The following FHIT variants were observed in gnomAD, a reference collection of about 807,000 sequenced individuals.
FHIT encodes the protein fragile histidine triad diadenosine triphosphatase, also known as bis(5'-adenosyl)-triphosphatase.
Under a neutral mutation model 17.9 loss-of-function variants are expected in FHIT, and 19 were observed. The ratio of observed to expected loss-of-function variants is 1.06; its 90% CI spans 0.74 to 1.56. FHIT has a LOEUF of 1.56. Ranked by LOEUF, FHIT falls within the 40% of genes most tolerant of loss-of-function variation. The pLI is 0.00. For missense variants in FHIT, 248 were observed against 189.2 expected (o/e 1.31, Z -1.82); for synonymous variants, 81 against 69.7 (o/e 1.16, Z -0.81).
At chr3:60,034,180 C>G (rs113515602) in intron 5 of FHIT, among the ~76,000 whole-genome samples, 2,174 of 152,324 alleles carry the variant, frequency 0.014, 25 homozygotes, top group Non-Finnish European at 0.022. Flanking sequence ...GGTGAGGATG[C>G]TGCAGAAGAG....
At chr3:60,698,470 A>G (rs2041164544) in intron 4 of FHIT, among the ~76,000 whole-genome samples, 1 of 152,142 alleles carries the variant, frequency 6.6e-6, no homozygotes, top group Admixed American at 6.5e-5. Context: ...CTGGAGAAAA[A>G]TTGCAAACCT....
chr3:60,196,321 C>G (rs1386846058), intron 5 of FHIT, among the ~76,000 whole-genome samples: 1 of 152,100 alleles, frequency 6.6e-6, no homozygotes, highest in Non-Finnish European at 1.5e-5. Context: ...ATGGTGCCTT[C>G]CCACATCTTC....
At chr3:60,924,512 GA>G (rs1707470142) in intron 3 of FHIT, among the ~76,000 whole-genome samples, 1 of 152,108 alleles carries the variant, frequency 6.6e-6, no homozygotes, top group African/African-American at 2.4e-5. Flanking sequence ...CTGTTAGAAG[GA>G]AAACTAACAA....
chr3:59,863,121 G>T (rs910630747), intron 8 of FHIT, among the ~76,000 whole-genome samples: 4 of 152,210 alleles, frequency 2.6e-5, no homozygotes, highest in African/African-American at 9.6e-5. Context: ...CTGCAACAGG[G>T]CCCTTTTAAG....
At chr3:60,698,333 G>C (rs1380651062) in intron 4 of FHIT, among the ~76,000 whole-genome samples, 1 of 152,058 alleles carries the variant, frequency 6.6e-6, no homozygotes, top group Non-Finnish European at 1.5e-5. Context: ...ACATAAAAGA[G>C]GCGTTTCAGG....
chr3:60,887,507 G>C (rs1287886048), intron 3 of FHIT, among the ~76,000 whole-genome samples: 3 of 152,074 alleles, frequency 2.0e-5, no homozygotes, highest in East Asian at 1.9e-4. Context: ...TTAGCCAGGC[G>C]TGGTGGCACA....
chr3:60,746,970 G>T (rs1418564753), intron 4 of FHIT, among the ~76,000 whole-genome samples: 1 of 152,056 alleles, frequency 6.6e-6, no homozygotes, highest in African/African-American at 2.4e-5. Context: ...TGCATTTATT[G>T]AACCTACCAG....
chr3:60,785,637 G>C (rs933663314), intron 4 of FHIT, among the ~76,000 whole-genome samples: 2 of 152,116 alleles, frequency 1.3e-5, no homozygotes, highest in Non-Finnish European at 2.9e-5. Context: ...ATTTGAAATT[G>C]ACATAAAACC....
At chr3:60,072,342 G>A (rs747393994) in intron 5 of FHIT, among the ~76,000 whole-genome samples, 1 of 152,120 alleles carries the variant, frequency 6.6e-6, no homozygotes, top group Non-Finnish European at 1.5e-5. Context: ...CATCACGCAA[G>A]GTGTCCAGTT....
chr3:60,873,652 A>C (rs1361995928), intron 3 of FHIT, among the ~76,000 whole-genome samples: 4 of 152,202 alleles, frequency 2.6e-5, no homozygotes, highest in Non-Finnish European at 4.4e-5. Context: ...GGAAATTCAC[A>C]CTGACTGACT....
intron 3 of FHIT, among the ~76,000 whole-genome samples, chr3:60,979,620 C>T (rs1183320747): frequency 2.6e-5 from 4 of 152,120 alleles, no homozygotes; most frequent in African/African-American, 4.8e-5. Flanking sequence ...CTTCTGGGCC[C>T]GTCATGACTT....
intron 4 of FHIT, among the ~76,000 whole-genome samples, chr3:60,573,358 G>T (rs966426484): frequency 2.6e-5 from 4 of 152,114 alleles, no homozygotes; most frequent in Admixed American, 2.0e-4. Context: ...TTGAATTTCT[G>T]CTAAAAAGTA....
At chr3:60,424,283 A>T (rs1160563305) in intron 5 of FHIT, among the ~76,000 whole-genome samples, 1 of 152,120 alleles carries the variant, frequency 6.6e-6, no homozygotes, top group Non-Finnish European at 1.5e-5. Context: ...GCGTCTCAAT[A>T]CAGAGAGCAG....
At chr3:60,355,242 G>A (rs780398022) in intron 5 of FHIT, among the ~76,000 whole-genome samples, 1 of 152,060 alleles carries the variant, frequency 6.6e-6, no homozygotes, top group African/African-American at 2.4e-5. Context: ...TCCACTTCTC[G>A]ATTTACAAGC....
chr3:60,561,063 C>T (rs917520044), intron 4 of FHIT, among the ~76,000 whole-genome samples: 12 of 152,100 alleles, frequency 7.9e-5, no homozygotes, highest in African/African-American at 2.9e-4. Context: ...TGGATTCATT[C>T]ATTGCACTTT....
chr3:60,203,730 A>G (rs938888852), intron 5 of FHIT, among the ~76,000 whole-genome samples: 1 of 152,204 alleles, frequency 6.6e-6, no homozygotes, highest in African/African-American at 2.4e-5. Flanking sequence ...TTTAGAAAAA[A>G]ATGCAAGAGA....
intron 5 of FHIT, among the ~76,000 whole-genome samples, chr3:60,278,009 G>A (rs1707240697): frequency 6.6e-6 from 1 of 152,094 alleles, no homozygotes; most frequent in Non-Finnish European, 1.5e-5. Flanking sequence ...CCCCAAATTT[G>A]GAGAAACATG....
chr3:60,532,016 A>C (rs1354677703), intron 5 of FHIT, among the ~76,000 whole-genome samples: 1 of 152,226 alleles, frequency 6.6e-6, no homozygotes, highest in Non-Finnish European at 1.5e-5. Context: ...ATACTTTGTA[A>C]GGCTGTCCCT....
chr3:60,664,448 C>T (rs2040334723), intron 4 of FHIT, among the ~76,000 whole-genome samples: 1 of 151,948 alleles, frequency 6.6e-6, no homozygotes, highest in African/African-American at 2.4e-5. Flanking sequence ...CCCCTTCTTC[C>T]TCTTCCTCCT....
Sources: allele counts gnomAD v4.1 joint callset (sites outside exome capture counted in the v4.1 genomes callset), GRCh38; gene constraint gnomAD v4.1.1; transcripts MANE v1.5; gene names NCBI Gene and HGNC (gene_info 2026-07-23, HGNC 2026-07-21).